DNAJA2: variants seen among roughly 807,000 people sequenced by gnomAD.
DNAJA2 encodes the protein dnaJ homolog subfamily A member 2.
DNAJA2 carries 6 observed loss-of-function variants against 49.3 expected under a neutral mutation model. The ratio of observed to expected loss-of-function variants is 0.12; its 90% CI spans 0.07 to 0.24. The LOEUF is 0.24. Ranked by LOEUF, DNAJA2 falls within the 10% of genes least tolerant of loss-of-function variation. The pLI, the probability that DNAJA2 is intolerant of heterozygous loss-of-function variation, is 1.00. For missense variants in DNAJA2, 347 were observed against 516.8 expected (o/e 0.67, Z 3.19); for synonymous variants, 160 against 172.7 (o/e 0.93, Z 0.58).
At chr16:46,963,272 T>C (rs929462640) in intron 6 of DNAJA2, among the ~76,000 whole-genome samples, 6 of 152,172 alleles carry the variant, frequency 3.9e-5, no homozygotes, top group Non-Finnish European at 7.4e-5. Flanking sequence ...AGGTGATTAC[T>C]GGAGGGGTTT....
chr16:46,968,748 G>A (rs912683606), intron 3 of DNAJA2, among the ~76,000 whole-genome samples: 1 of 152,116 alleles, frequency 6.6e-6, no homozygotes, highest in Admixed American at 6.6e-5. Flanking sequence ...AGAAAGGAGG[G>A]ATAGAATAGT....
intron 5 of DNAJA2, among the ~76,000 whole-genome samples, chr16:46,965,692 G>A (rs1040867256): frequency 5.9e-5 from 9 of 151,794 alleles, no homozygotes; most frequent in African/African-American, 1.5e-4. Context: ...TCAGCCGGGC[G>A]TGGTGGCAGG....
rs1178012153 is a variant in DNAJA2, at chr16:46,963,734, A to G, written c.774+877T>C. On this transcript the variant is annotated intron_variant, in intron 6 of 8. Transcript: ENST00000317089. Reference sequence around the variant, plus strand: ...CCCCCCAAAACATACACTAGTGACCACATTCTTCAGAAGCTTCTAAAAAAA... The same window carrying G: ...CCCCCCAAAACATACACTAGTGACCGCATTCTTCAGAAGCTTCTAAAAAAA... Among the ~76,000 whole-genome samples, 4 of 152,210 alleles carry G rather than the reference A, an allele frequency of 2.6e-5. No homozygotes were observed. The South Asian group carries it at 6.2e-4, about 24-fold the overall frequency.
Position 46,957,020 on chromosome 16 carries a change from T to C in DNAJA2, c.*9A>G, listed in dbSNP as rs770161090. 3 of 1,614,170 alleles carry C rather than the reference T, an allele frequency of 1.9e-6. No homozygotes were observed. Among genetic ancestry groups the C allele is most frequent in the East Asian group, 2.2e-5 (1 of 44,884 alleles). The stretch of plus-strand genomic sequence containing the variant: ...AAGAAAATCCACCTGTGCAATTTGT[T>C]TGCAGAGTTTACTGATGGGCACACT... On this transcript the variant is annotated 3_prime_UTR_variant, in exon 9 of 9. Coordinates refer to ENST00000317089, the MANE Select transcript of DNAJA2 (RefSeq NM_005880.4).
intron 3 of DNAJA2, among the ~76,000 whole-genome samples, chr16:46,969,849 G>T (rs1183491916): frequency 1.3e-5 from 2 of 152,058 alleles, no homozygotes; most frequent in African/African-American, 4.8e-5. Flanking sequence ...TTTTAAACAT[G>T]AAGAACTATA....
chr16:46,966,581 A>G (rs1596657173), intron 5 of DNAJA2, among the ~76,000 whole-genome samples: 1 of 152,188 alleles, frequency 6.6e-6, no homozygotes, highest in Non-Finnish European at 1.5e-5. Context: ...CAGGGGTGGG[A>G]GGAGCTATGT....
chr16:46,965,409 G>A (rs1961954613), intron 5 of DNAJA2, among the ~76,000 whole-genome samples: 1 of 152,142 alleles, frequency 6.6e-6, no homozygotes. Context: ...TGAAAAAACT[G>A]CGTCACTTTC....
chr16:46,973,585 G>C lies in DNAJA2; in HGVS notation c.-13C>G. 1.3e-6 allele frequency: 2 copies of C among 1,590,494 alleles called. No homozygotes were observed. The highest frequency in any genetic ancestry group is 1.7e-6 in the Non-Finnish European group (2 of 1,174,270). On this transcript the variant is annotated 5_prime_UTR_variant, in exon 1 of 9. Transcript: ENST00000317089. ...CCACGTTAGCCATGGCGGCCGGCCG[G>C]GCAGTGCTCGGGGAGAAGGTGGCGA...
rs949948783 is a variant in DNAJA2, at chr16:46,955,782, T to TA, written c.*1246dup. 2.6e-5 allele frequency: 4 copies of TA among 152,208 alleles called. No homozygotes were observed. Among genetic ancestry groups the TA allele is most frequent in the African/African-American group, 9.6e-5 (4 of 41,452 alleles). 9.4% of individuals were successfully genotyped at this position (152,208 alleles called of 1,614,324 possible). On this transcript the variant is annotated 3_prime_UTR_variant, in exon 9 of 9. Coordinates refer to ENST00000317089, the MANE Select transcript of DNAJA2 (RefSeq NM_005880.4). ...TAAAAATACCTACTGAGTGAAATGGTAAAAACCAGATGATGGAAAGAGAAA... is the reference window on the plus strand; with the variant it reads ...TAAAAATACCTACTGAGTGAAATGGTAAAAAACCAGATGATGGAAAGAGAAA...
At chr16:46,971,263 C>T (rs2143662968) in intron 3 of DNAJA2, 86 bp downstream of exon 3, 1 of 1,183,936 alleles carries the variant, frequency 8.4e-7, no homozygotes, top group South Asian at 1.5e-5. Flanking sequence ...GGACAGAACA[C>T]TCTATGAGAT....
chr16:46,968,424 G>A (rs1216135032), intron 3 of DNAJA2, among the ~76,000 whole-genome samples: 1 of 152,198 alleles, frequency 6.6e-6, no homozygotes, highest in Admixed American at 6.5e-5. Flanking sequence ...TGCTGTGGTG[G>A]AATTTCTGAT....
In DNAJA2 at chr16:46,970,730, CAAAAAAAAA is replaced by C. The variant is rs10523905; in HGVS notation, c.362+610_362+618del. The stretch of plus-strand genomic sequence containing the variant: ...AACCCGGGCGACAGGGACTCCATTT[CAAAAAAAAA>C]AAAAAAAAAAAAAAAAAGGTCGGGC... On this transcript the variant is annotated intron_variant, in intron 3 of 8. Coordinates refer to ENST00000317089, the MANE Select transcript of DNAJA2 (RefSeq NM_005880.4). Among the ~76,000 whole-genome samples, 40 of 32,202 alleles carry C rather than the reference CAAAAAAAAA, an allele frequency of 1.2e-3. 1 individual carries two copies. Among genetic ancestry groups the C allele is most frequent in the South Asian group, 6.8e-3 (3 of 444 alleles). 21.1% of individuals were successfully genotyped at this position (32,202 alleles called of 152,430 possible). A position where few individuals can be genotyped will look rare whatever the true frequency, so the allele number is the denominator to read the frequency against.
At chr16:46,967,929 C>T (rs564235428) in intron 4 of DNAJA2, among the ~76,000 whole-genome samples, 155 bp downstream of exon 4, 7 of 152,108 alleles carry the variant, frequency 4.6e-5, no homozygotes, top group East Asian at 1.9e-4. Flanking sequence ...GTGATCCACC[C>T]GACTCGGCCT....
At chr16:46,961,990 A>C (rs1334032876) in intron 6 of DNAJA2, among the ~76,000 whole-genome samples, 1 of 151,928 alleles carries the variant, frequency 6.6e-6, no homozygotes, top group Non-Finnish European at 1.5e-5. Flanking sequence ...ATGACTATAG[A>C]TGATACAGCA....
intron 3 of DNAJA2, among the ~76,000 whole-genome samples, chr16:46,970,709 C>G (rs866189119): frequency 1.0e-5 from 1 of 96,022 alleles, no homozygotes; most frequent in Non-Finnish European, 1.9e-5. Context: ...CACTCCAACC[C>G]GGGCGACAGG....
chr16:46,957,932 C>A (rs1425651065), intron 8 of DNAJA2, among the ~76,000 whole-genome samples: 2 of 152,074 alleles, frequency 1.3e-5, no homozygotes, highest in Non-Finnish European at 2.9e-5. Flanking sequence ...CTCTACAATT[C>A]CCTGCTTGGC....
chr16:46,956,939 C>T lies in DNAJA2; in HGVS notation c.*90G>A, dbSNP rs953797075. The T allele has an allele frequency of 7.0e-7, 1 of 1,430,574 alleles. No individual in the cohort carries two copies. The highest frequency in any genetic ancestry group is 1.4e-5 in the African/African-American group (1 of 71,258). The allele number at this position is 1,430,574 out of a possible 1,614,324, so 88.6% of individuals were successfully genotyped here. A position where few individuals can be genotyped will look rare whatever the true frequency, so the allele number is the denominator to read the frequency against. Reference sequence around the variant, plus strand: ...GACCAACAGATGTCCCTCAGTTCATCTGGATTGATAAGACACTCCAGCTGG... The same window carrying T: ...GACCAACAGATGTCCCTCAGTTCATTTGGATTGATAAGACACTCCAGCTGG... On this transcript the variant is annotated 3_prime_UTR_variant, in exon 9 of 9. Coordinates refer to ENST00000317089, the MANE Select transcript of DNAJA2 (RefSeq NM_005880.4).
chr16:46,969,282 GA>G (rs1962014141), intron 3 of DNAJA2, among the ~76,000 whole-genome samples: 1 of 152,126 alleles, frequency 6.6e-6, no homozygotes, highest in African/African-American at 2.4e-5. Context: ...TTGTAGGCAG[GA>G]TAAGAATACC....
intron 6 of DNAJA2, among the ~76,000 whole-genome samples, chr16:46,961,370 AC>A (rs1262326412): frequency 6.6e-6 from 1 of 151,952 alleles, no homozygotes; most frequent in East Asian, 1.9e-4. Context: ...ACAGAGTGAG[AC>A]CCCATTTCAA....
Sources: allele counts gnomAD v4.1 joint callset (sites outside exome capture counted in the v4.1 genomes callset), GRCh38; gene constraint gnomAD v4.1.1; transcripts MANE v1.5; gene names NCBI Gene and HGNC (gene_info 2026-07-23, HGNC 2026-07-21).